TAFA5: variants seen among roughly 807,000 people sequenced by gnomAD.
The protein encoded by TAFA5 is TAFA chemokine like family member 5.
Under a neutral mutation model 15.3 loss-of-function variants are expected in TAFA5, and 6 were observed. That is an observed-to-expected ratio of 0.39 (90% CI 0.21 to 0.77). TAFA5 has a LOEUF of 0.77. Ranked by LOEUF, TAFA5 falls within the 30% of genes least tolerant of loss-of-function variation. The pLI, the probability that TAFA5 is intolerant of heterozygous loss-of-function variation, is 0.41. For synonymous variants in TAFA5, 103 were observed against 80.7 expected, an observed-to-expected ratio of 1.28 and a Z score of -1.48; for missense variants, 161 against 193.1, an observed-to-expected ratio of 0.83 and a Z score of 0.98.
At chr22:48,678,929 C>CAGCTCCCT (rs1388219258) in intron 2 of TAFA5, among the ~76,000 whole-genome samples, 7 of 135,778 alleles carry the variant, frequency 5.2e-5, no homozygotes, top group Non-Finnish European at 1.0e-4. Context: ...CCCAGCTCCC[C>CAGCTCCCT]GTCCATCCGT....
In TAFA5 at chr22:48,500,567, C is replaced by G. The variant is rs928396073; in HGVS notation, c.112+10863C>G. Among the ~76,000 whole-genome samples, 26 of 152,222 alleles carry G rather than the reference C, an allele frequency of 1.7e-4. 1 individual carries two copies. The highest frequency in any genetic ancestry group is 6.3e-4 in the African/African-American group (26 of 41,460). Reference sequence around the variant, plus strand: ...AGGAGGAAGGGGGTGTGGAAGGCGCCGGGCCCGCAGGCGGGCTGTGCTGTC... The same window carrying G: ...AGGAGGAAGGGGGTGTGGAAGGCGCGGGGCCCGCAGGCGGGCTGTGCTGTC... On this transcript the variant is annotated intron_variant, in intron 1 of 3. Transcript: ENST00000402357.
In TAFA5 at chr22:48,611,862, A is replaced by G. The variant is rs940307063; in HGVS notation, c.113-34735A>G. Among the ~76,000 whole-genome samples the G allele has an allele frequency of 4.6e-5, 7 of 152,128 alleles. 1 individual carries two copies. Among genetic ancestry groups the G allele is most frequent in the African/African-American group, 1.7e-4 (7 of 41,414 alleles). ...CCTGGGGTGTGAGCCTTAACTCCAGATGTGCGGCCCTGAGGGCTGCTGAGA... is the reference window on the plus strand; with the variant it reads ...CCTGGGGTGTGAGCCTTAACTCCAGGTGTGCGGCCCTGAGGGCTGCTGAGA... On this transcript the variant is annotated intron_variant, in intron 1 of 3. Transcript: ENST00000402357.
chr22:48,613,693 C>A (rs1925494363), intron 1 of TAFA5, among the ~76,000 whole-genome samples: 1 of 152,246 alleles, frequency 6.6e-6, no homozygotes, highest in South Asian at 2.1e-4. Flanking sequence ...TCCACCTGCT[C>A]TGGCCTTTCC....
intron 1 of TAFA5, among the ~76,000 whole-genome samples, chr22:48,542,489 GT>G (rs1243113857): frequency 2.0e-4 from 26 of 127,670 alleles, no homozygotes; most frequent in South Asian, 2.9e-4. Context: ...TGGTGTGTGT[GT>G]GGTGTGTGTG....
At chr22:48,581,817 C>CT (rs1924055144) in intron 1 of TAFA5, among the ~76,000 whole-genome samples, 1 of 152,186 alleles carries the variant, frequency 6.6e-6, no homozygotes, top group African/African-American at 2.4e-5. Context: ...AATACAGCCC[C>CT]TTCGTTAGGG....
intron 3 of TAFA5, among the ~76,000 whole-genome samples, chr22:48,737,665 G>A (rs999599407): frequency 6.6e-6 from 1 of 152,232 alleles, no homozygotes; most frequent in Non-Finnish European, 1.5e-5. Flanking sequence ...CACGCCCTTC[G>A]ATGTTGCCCG....
chr22:48,581,395 G>A (rs62225926), intron 1 of TAFA5, among the ~76,000 whole-genome samples: 42,031 of 152,152 alleles, frequency 0.28, 7,351 homozygotes, highest in Non-Finnish European at 0.38. Flanking sequence ...TGATCTTGCC[G>A]CCGGCATCTG....
At chr22:48,691,858 G>C (rs1928553902) in intron 2 of TAFA5, among the ~76,000 whole-genome samples, 1 of 152,180 alleles carries the variant, frequency 6.6e-6, no homozygotes, top group Non-Finnish European at 1.5e-5. Flanking sequence ...GGCCCTCCCA[G>C]GTGTGCTTGT....
At chr22:48,513,449 C>T (rs989727861) in intron 1 of TAFA5, among the ~76,000 whole-genome samples, 9 of 152,158 alleles carry the variant, frequency 5.9e-5, no homozygotes, top group African/African-American at 1.2e-4. Context: ...CTGTCATGGG[C>T]GGCTCTAAGA....
chr22:48,749,738 G>T (rs536242718), intron 3 of TAFA5, 101 bp from the exon 4 acceptor site: 253 of 1,378,902 alleles, frequency 1.8e-4, no homozygotes, highest in Non-Finnish European at 2.3e-4. Context: ...CCTCCAGGAG[G>T]CCGGCTGGCA....
intron 1 of TAFA5, among the ~76,000 whole-genome samples, chr22:48,619,246 C>T (rs1343614344): frequency 6.6e-6 from 1 of 152,190 alleles, no homozygotes; most frequent in Non-Finnish European, 1.5e-5. Flanking sequence ...CTAGAGGGTG[C>T]CGTCAGGGTT....
At chr22:48,684,404 A>G (rs1928290879) in intron 2 of TAFA5, among the ~76,000 whole-genome samples, 1 of 151,856 alleles carries the variant, frequency 6.6e-6, no homozygotes, top group Admixed American at 6.6e-5. Flanking sequence ...CGATGGAGTG[A>G]CTCAGAACTC....
At chr22:48,646,841 C>T (rs973339810) in intron 2 of TAFA5, 95 bp downstream of exon 2, 5 of 1,426,562 alleles carry the variant, frequency 3.5e-6, no homozygotes, top group East Asian at 2.5e-5. Context: ...TGAAGGTCCC[C>T]CTAGGCCTCA....
intron 1 of TAFA5, among the ~76,000 whole-genome samples, chr22:48,620,977 T>TCCATCCCC (rs1925802383): frequency 8.2e-6 from 1 of 121,754 alleles, no homozygotes; most frequent in Non-Finnish European, 1.7e-5. Flanking sequence ...ATCCTATTCA[T>TCCATCCCC]CCATCCACCC....
At chr22:48,501,912 G>T (rs1333821186) in intron 1 of TAFA5, among the ~76,000 whole-genome samples, 2 of 152,226 alleles carry the variant, frequency 1.3e-5, no homozygotes, top group Non-Finnish European at 2.9e-5. Flanking sequence ...TGGAGGAGTT[G>T]CAGAGATGGG....
intron 2 of TAFA5, among the ~76,000 whole-genome samples, chr22:48,700,579 C>A (rs780501237): frequency 1.4e-5 from 2 of 147,512 alleles, no homozygotes; most frequent in Non-Finnish European, 1.5e-5. Flanking sequence ...TGGGTTTCTT[C>A]TCCCTCGGGA....
intron 3 of TAFA5, among the ~76,000 whole-genome samples, chr22:48,732,380 C>A (rs130209): frequency 2.0e-5 from 3 of 151,378 alleles, no homozygotes; most frequent in Non-Finnish European, 4.4e-5. Context: ...CCTCAGCCTC[C>A]CGAGTAGGTG....
At chr22:48,604,784 C>A (rs1050465730) in intron 1 of TAFA5, among the ~76,000 whole-genome samples, 4 of 152,272 alleles carry the variant, frequency 2.6e-5, no homozygotes, top group African/African-American at 9.6e-5. Context: ...GGGCCCAGGG[C>A]AGGCTGGGGG....
chr22:48,635,590 G>C (rs566652833), intron 1 of TAFA5, among the ~76,000 whole-genome samples: 1 of 152,180 alleles, frequency 6.6e-6, no homozygotes, highest in Non-Finnish European at 1.5e-5. Flanking sequence ...CCCAGCTAAG[G>C]GGGGCAGAGT....
Sources: gnomAD v4.1 joint callset for allele counts (sites outside exome capture counted in the v4.1 genomes callset) on GRCh38, gnomAD v4.1.1 for gene constraint, MANE v1.5 for transcripts, NCBI Gene and HGNC (gene_info 2026-07-23, HGNC 2026-07-21) for gene names.